PELP1: variants seen among roughly 807,000 people sequenced by gnomAD.
PELP1 encodes proline, glutamate and leucine rich protein 1.
In PELP1, 32 loss-of-function variants were observed where a neutral mutation model predicts 95.5. The observed-to-expected ratio is 0.34, with a 90% confidence interval of 0.25 to 0.45. The LOEUF is 0.45. Ranked by LOEUF, PELP1 falls within the 20% of genes least tolerant of loss-of-function variation. The probability of loss-of-function intolerance (pLI) is 1.00; values close to 1 mark genes in which losing one functional copy is unlikely to be tolerated. For synonymous variants in PELP1, 668 were observed against 600.1 expected (o/e 1.11, Z -1.65); for missense variants, 1,358 against 1,444.8 (o/e 0.94, Z 0.97).
Position 4,672,755 on chromosome 17 carries a change from G to T in PELP1, c.2236C>A (p.Pro746Thr). ...TCATCTGGGGGTATAGTAGGTGGGGGAGTCCCACTAGGGGCAAGGATGGGG... is the reference window on the plus strand; with the variant it reads ...TCATCTGGGGGTATAGTAGGTGGGGTAGTCCCACTAGGGGCAAGGATGGGG... ...EDPILAPSGTPPPTIPPDETF... is the reference protein window; with the variant it reads ...EDPILAPSGTTPPTIPPDETF... The change falls in exon 16 of 17, where the codon CCC becomes ACC. Residue 746 changes from proline (P) to threonine (T), a missense_variant. Around this residue, in one of 7 missense-constraint regions of PELP1, gnomAD observed 340 missense variants for 322.9 expected, o/e 1.05. Transcript: ENST00000572293. The T allele has an allele frequency of 1.9e-6, 3 of 1,613,460 alleles. 1 individual carries two copies. The South Asian group carries it at 3.3e-5, about 18-fold the overall frequency.
intron 3 of PELP1, among the ~76,000 whole-genome samples, chr17:4,684,282 CT>C (rs1912827973): frequency 6.6e-6 from 1 of 152,176 alleles, no homozygotes; most frequent in African/African-American, 2.4e-5. Flanking sequence ...CTGGTTAACG[CT>C]GCTACTAAAG....
intron 1 of PELP1, among the ~76,000 whole-genome samples, chr17:4,701,955 A>G (rs941278959): frequency 6.6e-6 from 1 of 152,216 alleles, no homozygotes; most frequent in Non-Finnish European, 1.5e-5. Flanking sequence ...CATCACTCTT[A>G]GCTTCTTTAC....
chr17:4,677,816 G>A (rs1451821535), intron 5 of PELP1, among the ~76,000 whole-genome samples: 2 of 152,046 alleles, frequency 1.3e-5, no homozygotes, highest in Non-Finnish European at 2.9e-5. Context: ...TGTAGTCCCA[G>A]CTACTTGGGA....
chr17:4,693,972 G>A (rs988327338), intron 1 of PELP1, among the ~76,000 whole-genome samples: 12 of 152,276 alleles, frequency 7.9e-5, no homozygotes, highest in African/African-American at 2.9e-4. Context: ...TGAGGCATAA[G>A]AATCACTTGA....
In PELP1 at chr17:4,671,157, A is replaced by G. The variant is rs1197292666; in HGVS notation, c.*282T>C. On this transcript the variant is annotated 3_prime_UTR_variant, in exon 17 of 17. Transcript: ENST00000572293. ...TATAACTCCTCATTCTTAACCCTACACACAATTCTGCACGTTTAGCATCCA... is the reference window on the plus strand; with the variant it reads ...TATAACTCCTCATTCTTAACCCTACGCACAATTCTGCACGTTTAGCATCCA... 6 of 486,928 alleles carry G rather than the reference A, an allele frequency of 1.2e-5. No homozygotes were observed. The highest frequency in any genetic ancestry group is 2.2e-5 in the Non-Finnish European group (6 of 269,960). The allele number at this position is 486,928 out of a possible 1,614,324, so 30.2% of individuals were successfully genotyped here.
intron 1 of PELP1, among the ~76,000 whole-genome samples, chr17:4,693,177 C>T (rs974965175): frequency 9.8e-5 from 15 of 152,344 alleles, no homozygotes; most frequent in African/African-American, 3.6e-4. Context: ...CCCAGCCATT[C>T]CACCCTACGT....
At chr17:4,694,979 G>A (rs1485536618) in intron 1 of PELP1, among the ~76,000 whole-genome samples, 1 of 151,428 alleles carries the variant, frequency 6.6e-6, no homozygotes, top group Non-Finnish European at 1.5e-5. Context: ...AGTTTGCCAA[G>A]ATTGCACCAC....
chr17:4,671,123 C>A lies in PELP1; in HGVS notation c.*316G>T, dbSNP rs750043311. On this transcript the variant is annotated 3_prime_UTR_variant, in exon 17 of 17. Transcript: ENST00000572293. Reference sequence around the variant, plus strand: ...CCCGAATACAAACACGAAAGCAGGGCTGTGTCTCTATAACTCCTCATTCTT... The same window carrying A: ...CCCGAATACAAACACGAAAGCAGGGATGTGTCTCTATAACTCCTCATTCTT... 7 of 369,764 alleles carry A rather than the reference C, an allele frequency of 1.9e-5. No homozygotes were observed. Among genetic ancestry groups the A allele is most frequent in the Non-Finnish European group, 2.5e-5 (5 of 201,522 alleles). The allele number at this position is 369,764 out of a possible 1,614,324, so 22.9% of individuals were successfully genotyped here. A position where few individuals can be genotyped will look rare whatever the true frequency, so the allele number is the denominator to read the frequency against.
Position 4,671,857 on chromosome 17 carries a change from G to T in PELP1, c.3134C>A (p.Ala1045Glu). The change falls in exon 16 of 17, where the codon GCG becomes GAG. Residue 1045 changes from alanine (A) to glutamate (E), a missense_variant. Physicochemically the swap from Ala to Glu is moderately radical, Grantham distance 107 (BLOSUM62 -1). Around this residue, in one of 7 missense-constraint regions of PELP1, gnomAD observed 283 missense variants for 284.1 expected, o/e 1.00. Coordinates refer to ENST00000572293, the MANE Select transcript of PELP1 (RefSeq NM_014389.3). The stretch of plus-strand genomic sequence containing the variant: ...AAGCTCCTGGGGAGGGGGCCCTGCC[G>T]CAGGGCTTTCCCCTTCCCTCTCCAC... Reference protein sequence around the residue: ...GEVEREGESPAAGPPPQELVE... With the variant: ...GEVEREGESPEAGPPPQELVE... 6.6e-7 allele frequency: 1 copy of T among 1,512,022 alleles called. No individual in the cohort carries two copies. Among genetic ancestry groups the T allele is most frequent in the Non-Finnish European group, 8.8e-7 (1 of 1,134,466 alleles). The allele number at this position is 1,512,022 out of a possible 1,614,324, so 93.7% of individuals were successfully genotyped here. A position where few individuals can be genotyped will look rare whatever the true frequency, so the allele number is the denominator to read the frequency against.
At chr17:4,691,249 C>T (rs2150562823) in intron 2 of PELP1, 129 bp downstream of exon 2, 1 of 734,228 alleles carries the variant, frequency 1.4e-6, no homozygotes, top group Middle Eastern at 2.4e-4. Context: ...AGGAATGTAA[C>T]TCTCCACACT....
rs550598884 is a variant in PELP1, at chr17:4,701,701, C to G, written c.249+2162G>C. Among the ~76,000 whole-genome samples, 234 of 152,298 alleles carry G rather than the reference C, an allele frequency of 1.5e-3. 5 individuals are homozygous for G. The highest frequency in any genetic ancestry group is 3.7e-3 in the South Asian group (18 of 4,826). On this transcript the variant is annotated intron_variant, in intron 1 of 16. Transcript: ENST00000572293. ...TCTATTGCTGACTTTCATTTCTCATCTTAACTAGACTAGAAATTCTCTGAG... is the reference window on the plus strand; with the variant it reads ...TCTATTGCTGACTTTCATTTCTCATGTTAACTAGACTAGAAATTCTCTGAG...
At chr17:4,697,360 A>G (rs55999196) in intron 1 of PELP1, among the ~76,000 whole-genome samples, 24,496 of 152,036 alleles carry the variant, frequency 0.16, 2,576 homozygotes, top group Non-Finnish European at 0.25. Context: ...TAAAAATCAA[A>G]CAGATTAGCT....
chr17:4,674,984 T>C, intron 11 of PELP1, 28 bp from the exon 12 acceptor site: 1 of 1,605,592 alleles, frequency 6.2e-7, no homozygotes, highest in South Asian at 1.1e-5. Flanking sequence ...ATGGCAGTTA[T>C]GAATGGGGGG....
At chr17:4,686,940 A>G (rs899360072) in intron 3 of PELP1, among the ~76,000 whole-genome samples, 5 of 152,120 alleles carry the variant, frequency 3.3e-5, no homozygotes, top group Non-Finnish European at 7.4e-5. Context: ...GCCATACACA[A>G]CTTGGTCCCC....
In PELP1 at chr17:4,673,408, C is replaced by T; in HGVS notation, c.1687G>A (p.Glu563Lys). The change falls in exon 15 of 17, where the codon GAG becomes AAG. Residue 563 changes from glutamate to lysine, a missense_variant. Glu to Lys is a moderately conservative substitution (Grantham distance 56). Around this residue, in one of 7 missense-constraint regions of PELP1, gnomAD observed 538 missense variants for 628.1 expected, o/e 0.86. Coordinates refer to ENST00000572293, the MANE Select transcript of PELP1 (RefSeq NM_014389.3). The surrounding 1 kb of genome is among the most constrained non-coding windows in gnomAD (Gnocchi z 5.7). The stretch of plus-strand genomic sequence containing the variant: ...GTGTACGGGGAGCTGCCTAGGACCT[C>T]ACCCTGCTGTACACCCATGACCAGG... ...LPLVMGVQQG[E>K]VLGSSPYTSS... The T allele has an allele frequency of 3.8e-6, 6 of 1,596,078 alleles. No individual in the cohort carries two copies. The highest frequency in any genetic ancestry group is 4.3e-6 in the Non-Finnish European group (5 of 1,171,906).
At chr17:4,674,735 CAG>C in intron 12 of PELP1, 66 bp from the exon 13 acceptor site, 1 of 1,586,040 alleles carries the variant, frequency 6.3e-7, no homozygotes, top group Non-Finnish European at 8.6e-7. Flanking sequence ...CCACAGCAGA[CAG>C]TGTTTCCTGA....
chr17:4,690,671 A>G (rs1025535126), intron 3 of PELP1, among the ~76,000 whole-genome samples: 7 of 152,186 alleles, frequency 4.6e-5, no homozygotes, highest in African/African-American at 1.4e-4. Context: ...GCAGTGAGCC[A>G]AGATCATGCC....
chr17:4,700,964 G>A (rs1235346310), intron 1 of PELP1, among the ~76,000 whole-genome samples: 3 of 37,556 alleles, frequency 8.0e-5, no homozygotes, highest in African/African-American at 2.0e-4. Flanking sequence ...AAAAGAAAAA[G>A]AGAAAGAAAG....
intron 3 of PELP1, among the ~76,000 whole-genome samples, chr17:4,683,380 C>A (rs550793032): frequency 6.6e-6 from 1 of 151,800 alleles, no homozygotes; most frequent in South Asian, 2.1e-4. Context: ...GCCACCACGC[C>A]TGACTAATTT....
Sources: gnomAD v4.1 joint callset for allele counts (sites outside exome capture counted in the v4.1 genomes callset) on GRCh38, gnomAD v4.1.1 for gene constraint, gnomAD v4.1.1 regional missense constraint, Gnocchi (gnomAD v3.1) non-coding constraint, MANE v1.5 for transcripts, NCBI Gene and HGNC (gene_info 2026-07-23, HGNC 2026-07-21) for gene names.